Variants in AQR observed in about 807,000 individuals in gnomAD.
AQR encodes the protein aquarius intron-binding spliceosomal factor, also known as RNA helicase aquarius.
A neutral mutation model predicts 180.5 loss-of-function variants in AQR; 61 were observed. That is an observed-to-expected ratio of 0.34 (90% confidence interval 0.28 to 0.42). AQR has a LOEUF of 0.42. Ranked by LOEUF, AQR falls within the 10% of genes least tolerant of loss-of-function variation. The probability of loss-of-function intolerance (pLI) is 1.00; values close to 1 mark genes in which losing one functional copy is unlikely to be tolerated. For synonymous variants in AQR, 551 were observed against 588.8 expected (o/e 0.94, Z 0.93); for missense variants, 1,281 against 1,798.3 (o/e 0.71, Z 5.20).
At chr15:34,866,773 A>G (rs1220377613) in intron 32 of AQR, among the ~76,000 whole-genome samples, 3 of 152,148 alleles carry the variant, frequency 2.0e-5, no homozygotes, top group African/African-American at 7.2e-5. Context: ...TCTAGTATGC[A>G]AAACAATTTT....
At chr15:34,879,715 A>C (rs1292811301) in intron 27 of AQR, among the ~76,000 whole-genome samples, 1 of 152,140 alleles carries the variant, frequency 6.6e-6, no homozygotes. Context: ...AGAGGCAATT[A>C]GACTTCCCCA....
rs974965184 is a variant in AQR at position 34,857,658 on chromosome 15, G to A, written c.4144-552C>T. Reference sequence around the variant, plus strand: ...CCCATCTACTCAGGATGCTGAGGCAGGAGAATCACTTGACCCTGTGAGTTG... The same window carrying A: ...CCCATCTACTCAGGATGCTGAGGCAAGAGAATCACTTGACCCTGTGAGTTG... On this transcript the variant is annotated intron_variant, in intron 34 of 34. Transcript: ENST00000156471. 2.0e-5 allele frequency among the ~76,000 whole-genome samples: 3 copies of A among 152,158 alleles called. No homozygotes were observed. The South Asian group carries it at 6.2e-4, about 31-fold the overall frequency.
At chr15:34,962,820 G>A (rs1002585031) in intron 2 of AQR, among the ~76,000 whole-genome samples, 6 of 151,752 alleles carry the variant, frequency 4.0e-5, no homozygotes, top group Non-Finnish European at 5.9e-5. Flanking sequence ...ATATATATTC[G>A]TAAGAATTTA....
intron 22 of AQR, among the ~76,000 whole-genome samples, chr15:34,895,212 ATATATATATG>A (rs1210554477): frequency 3.2e-4 from 34 of 106,982 alleles, no homozygotes; most frequent in African/African-American, 5.8e-4. Context: ...ATATATATAT[ATATATATATG>A]AAACAAATAA....
chr15:34,878,193 T>C (rs1566980709), intron 27 of AQR, among the ~76,000 whole-genome samples: 1 of 151,940 alleles, frequency 6.6e-6, no homozygotes, highest in African/African-American at 2.4e-5. Flanking sequence ...AAGACCAGCC[T>C]GGTCAACATG....
intron 15 of AQR, among the ~76,000 whole-genome samples, chr15:34,918,041 A>C (rs1893623668): frequency 6.6e-6 from 1 of 152,176 alleles, no homozygotes; most frequent in South Asian, 2.1e-4. Context: ...TATTTTTTAC[A>C]GGGTGATATG....
chr15:34,926,142 C>T (rs1893760607), intron 13 of AQR, among the ~76,000 whole-genome samples: 4 of 151,224 alleles, frequency 2.6e-5, no homozygotes, highest in South Asian at 2.1e-4. Flanking sequence ...GGCGAAAGAG[C>T]GAGACTCCGT....
chr15:34,861,014 G>C (rs1224305115), intron 33 of AQR, among the ~76,000 whole-genome samples: 1 of 152,120 alleles, frequency 6.6e-6, no homozygotes, highest in Non-Finnish European at 1.5e-5. Flanking sequence ...CCCTAAAATA[G>C]AGATTAACAA....
At chr15:34,908,805 T>C (rs1893456987) in intron 17 of AQR, among the ~76,000 whole-genome samples, 1 of 152,216 alleles carries the variant, frequency 6.6e-6, no homozygotes. Context: ...ATAGAGTCCT[T>C]TAAAATAAAC....
chr15:34,905,505 T>C (rs1893397837), intron 18 of AQR, among the ~76,000 whole-genome samples: 1 of 152,016 alleles, frequency 6.6e-6, no homozygotes, highest in African/African-American at 2.4e-5. Context: ...AATTCCTTCT[T>C]TTATTTCTGT....
At chr15:34,918,634 A>G (rs1300792484) in intron 14 of AQR, among the ~76,000 whole-genome samples, 1 of 152,236 alleles carries the variant, frequency 6.6e-6, no homozygotes, top group Non-Finnish European at 1.5e-5. Context: ...CGTTACTTTA[A>G]CCTTCCTAAC....
rs1381556480 is a variant in AQR at position 34,893,827 on chromosome 15, A to G, written c.2461-54T>C. 9 of 1,497,066 alleles carry G rather than the reference A, an allele frequency of 6.0e-6. No homozygotes were observed. In the Admixed American group the frequency reaches 6.7e-5, roughly 11 times the overall value. The allele number at this position is 1,497,066 out of a possible 1,614,324, so 92.7% of individuals were successfully genotyped here. On this transcript the variant is annotated intron_variant, in intron 22 of 34. Coordinates refer to ENST00000156471, the MANE Select transcript of AQR (RefSeq NM_014691.3). The stretch of plus-strand genomic sequence containing the variant: ...TACTAAGTCATCACAGTTATCACAC[A>G]TTGTTAGAAAACGTGAAGTACAGAC...
Position 34,958,578 on chromosome 15 carries a change from T to C in AQR, c.173+2196A>G, listed in dbSNP as rs943518149. Among the ~76,000 whole-genome samples the C allele has an allele frequency of 4.6e-5, 7 of 152,288 alleles. No individual in the cohort carries two copies. The South Asian group carries it at 8.3e-4, about 18-fold the overall frequency. On this transcript the variant is annotated intron_variant, in intron 3 of 34. Coordinates refer to ENST00000156471, the MANE Select transcript of AQR (RefSeq NM_014691.3). The stretch of plus-strand genomic sequence containing the variant: ...GAGCTACATATAAAAAGCAGCCAAA[T>C]GTATATGGCTTAAAAATCATTAGCA...
At chr15:34,963,593 AATG>A (rs1395201224) in intron 2 of AQR, among the ~76,000 whole-genome samples, 2 of 152,188 alleles carry the variant, frequency 1.3e-5, no homozygotes, top group Non-Finnish European at 2.9e-5. Flanking sequence ...CATTTATAAT[AATG>A]ATAAATTAAA....
At chr15:34,906,111 G>A (rs563341209) in intron 18 of AQR, among the ~76,000 whole-genome samples, 4 of 152,132 alleles carry the variant, frequency 2.6e-5, no homozygotes, top group Admixed American at 6.5e-5. Context: ...GTGTGGTGGC[G>A]GCTCATGTCT....
chr15:34,960,194 A>G (rs1430994584), intron 3 of AQR, among the ~76,000 whole-genome samples: 1 of 152,236 alleles, frequency 6.6e-6, no homozygotes, highest in Non-Finnish European at 1.5e-5. Context: ...AATTTTTTAA[A>G]AGAAGCATGA....
chr15:34,930,451 G>A, intron 11 of AQR, 80 bp from the exon 12 acceptor site: 1 of 746,150 alleles, frequency 1.3e-6, no homozygotes, highest in Non-Finnish European at 2.2e-6. Context: ...TAATAAACAG[G>A]TTCATACAGT....
chr15:34,887,131 A>C (rs1251317881), intron 24 of AQR, among the ~76,000 whole-genome samples: 2 of 152,124 alleles, frequency 1.3e-5, no homozygotes, highest in African/African-American at 4.8e-5. Context: ...TCTCAAAAAA[A>C]AAAAAGAAAA....
rs756700935 is a variant in AQR at position 34,900,677 on chromosome 15, C to T, written c.2188G>A (p.Gly730Ser). 6.8e-6 allele frequency: 11 copies of T among 1,614,110 alleles called. No homozygotes were observed. In the Admixed American group the frequency reaches 1.8e-4, roughly 27 times the overall value. ...TCTACAGTTACTTTAACATTATGAC[C>T]AGGGAAGCTGGCTTTTAAATGCTCA... is the stretch of plus-strand genomic sequence containing the variant. ...SIEHLKASFP[G>S]HNVKVTVEDP... Residue 730 changes from glycine to serine, a missense_variant, in exon 20 of 35, where the codon GGT becomes AGT. By Grantham distance (56) the Gly-to-Ser change is moderately conservative (BLOSUM62 0). This residue lies in a region of AQR where 112 missense variants were observed against 128.6 expected (regional missense o/e 0.87). Transcript: ENST00000156471.
Sources: allele counts gnomAD v4.1 joint callset (sites outside exome capture counted in the v4.1 genomes callset), GRCh38; gene constraint gnomAD v4.1.1; regional missense constraint gnomAD v4.1.1; transcripts MANE v1.5; gene names NCBI Gene and HGNC (gene_info 2026-07-23, HGNC 2026-07-21).